NDUFA5: variants seen among roughly 807,000 people sequenced by gnomAD.
NDUFA5 encodes NADH dehydrogenase [ubiquinone] 1 alpha subcomplex subunit 5.
Under a neutral mutation model 19.8 loss-of-function variants are expected in NDUFA5, and 11 were observed. The ratio of observed to expected loss-of-function variants is 0.56; its 90% CI spans 0.35 to 0.92. NDUFA5 has a LOEUF of 0.92. NDUFA5 is among the 40% of genes least tolerant of loss of function. The pLI, the probability that NDUFA5 is intolerant of heterozygous loss-of-function variation, is 0.01. For missense variants in NDUFA5, 109 were observed against 134.2 expected (o/e 0.81, Z 0.93); for synonymous variants, 47 against 46.8 (o/e 1.00, Z -0.01).
At chr7:123,574,301 C>T in the NDUFA5 span, among the ~76,000 whole-genome samples, 1 of 151,634 alleles carries the variant, frequency 6.6e-6, no homozygotes, top group African/African-American at 2.4e-5. Context: ...TTCTAAGCAT[C>T]TGTTTAGCCC....
chr7:123,549,348 C>T (rs1798249658), intron 3 of NDUFA5, among the ~76,000 whole-genome samples: 1 of 152,158 alleles, frequency 6.6e-6, no homozygotes, highest in African/African-American at 2.4e-5. Context: ...GTAAACTCTT[C>T]TTTGGTTGAA....
the NDUFA5 span, among the ~76,000 whole-genome samples, chr7:123,586,560 TTGC>T: frequency 1.3e-5 from 2 of 151,792 alleles, no homozygotes; most frequent in African/African-American, 2.4e-5. Flanking sequence ...AAAATTTGAT[TTGC>T]TTGTACTTGT....
At chr7:123,588,439 T>G in the NDUFA5 span, among the ~76,000 whole-genome samples, 1 of 151,652 alleles carries the variant, frequency 6.6e-6, no homozygotes, top group Non-Finnish European at 1.5e-5. Flanking sequence ...GTTTCGTTAA[T>G]TTTATCTTTT....
the NDUFA5 span, among the ~76,000 whole-genome samples, chr7:123,592,661 G>T: frequency 6.6e-6 from 1 of 152,056 alleles, no homozygotes; most frequent in African/African-American, 2.4e-5. Flanking sequence ...CGTTTGTTGC[G>T]ATTTCTGTTC....
At chr7:123,557,518 ACAAAAC>A (rs1798605900) in intron 1 of NDUFA5, 70 bp from the exon 2 acceptor site, 1 of 1,612,110 alleles carries the variant, frequency 6.2e-7, no homozygotes. Flanking sequence ...CTAAGGAAAT[ACAAAAC>A]CACGAATCCC....
the NDUFA5 span, among the ~76,000 whole-genome samples, chr7:123,592,281 C>A: frequency 2.0e-5 from 3 of 151,162 alleles, no homozygotes; most frequent in African/African-American, 7.3e-5. Flanking sequence ...GTGTCTCTGT[C>A]TCATTCAGTT....
the NDUFA5 span, among the ~76,000 whole-genome samples, chr7:123,579,883 G>T: frequency 6.6e-6 from 1 of 151,958 alleles, no homozygotes; most frequent in African/African-American, 2.4e-5. Flanking sequence ...TCTTGCCATT[G>T]TTTAGGTCTC....
At chr7:123,573,009 T>C in the NDUFA5 span, among the ~76,000 whole-genome samples, 1 of 152,162 alleles carries the variant, frequency 6.6e-6, no homozygotes, top group African/African-American at 2.4e-5. Context: ...CGATCAGCTA[T>C]GTGTTTTTAA....
In NDUFA5 at chr7:123,542,129, C is replaced by A; in HGVS notation, c.341G>T (p.Trp114Leu). The A allele has an allele frequency of 1.2e-6, 2 of 1,608,548 alleles. No homozygotes were observed. Among genetic ancestry groups the A allele is most frequent in the Non-Finnish European group, 1.7e-6 (2 of 1,177,628 alleles). Residue 114 changes from tryptophan to leucine, a missense_variant, in exon 5 of 5, where the codon TGG becomes TTG. By Grantham distance (61) the Trp-to-Leu change is moderately conservative. Coordinates refer to ENST00000355749, the MANE Select transcript of NDUFA5 (RefSeq NM_005000.5). ...VEEPPADQWK[W>L]PI ...AAAGTCACTTAATAATTATATTGGCCATTTCCACTGATCGGCAGGAGGCTC... is the reference window on the plus strand; with the variant it reads ...AAAGTCACTTAATAATTATATTGGCAATTTCCACTGATCGGCAGGAGGCTC...
At chr7:123,568,711 C>T in the NDUFA5 span, among the ~76,000 whole-genome samples, 1 of 151,974 alleles carries the variant, frequency 6.6e-6, no homozygotes, top group Non-Finnish European at 1.5e-5. Context: ...GAGATAAAAA[C>T]TATTTTGTGG....
chr7:123,546,574 T>C (rs548833958), intron 3 of NDUFA5: 3 of 900,322 alleles, frequency 3.3e-6, no homozygotes, highest in East Asian at 1.3e-4. Context: ...GCTCTGTAAA[T>C]ATACCCACAT....
At chr7:123,593,080 C>A in the NDUFA5 span, among the ~76,000 whole-genome samples, 1 of 151,974 alleles carries the variant, frequency 6.6e-6, no homozygotes, top group African/African-American at 2.4e-5. Context: ...TTATCAGAGA[C>A]CAGGATTGCA....
the NDUFA5 span, among the ~76,000 whole-genome samples, chr7:123,597,917 C>CGTGTGTGT: frequency 0.023 from 3,038 of 133,002 alleles, 53 homozygotes; most frequent in Non-Finnish European, 0.031. Flanking sequence ...TTTCAAACTT[C>CGTGTGTGT]GTGTGTGTGT....
chr7:123,581,946 TAA>T, the NDUFA5 span, among the ~76,000 whole-genome samples: 1 of 152,158 alleles, frequency 6.6e-6, no homozygotes, highest in Non-Finnish European at 1.5e-5. Context: ...TAGCAAACTG[TAA>T]AGAGCTTTTT....
intron 4 of NDUFA5, among the ~76,000 whole-genome samples, chr7:123,542,747 T>A (rs975303698): frequency 2.6e-5 from 4 of 152,180 alleles, no homozygotes; most frequent in African/African-American, 7.2e-5. Flanking sequence ...GACCCAGAGT[T>A]TATAAAACAG....
intron 4 of NDUFA5, among the ~76,000 whole-genome samples, 156 bp downstream of exon 4, chr7:123,545,455 C>T (rs1429187626): frequency 1.3e-5 from 2 of 152,086 alleles, no homozygotes; most frequent in East Asian, 3.9e-4. Flanking sequence ...CTATAATCAA[C>T]ATACACATGA....
At chr7:123,587,970 C>T in the NDUFA5 span, among the ~76,000 whole-genome samples, 4 of 151,776 alleles carry the variant, frequency 2.6e-5, no homozygotes, top group African/African-American at 9.7e-5. Flanking sequence ...CATCTATGTT[C>T]ATCAGGGATA....
the NDUFA5 span, among the ~76,000 whole-genome samples, chr7:123,597,523 T>C: frequency 6.6e-6 from 1 of 152,186 alleles, no homozygotes; most frequent in Non-Finnish European, 1.5e-5. Flanking sequence ...CACTCAGCAC[T>C]GTGAGTCTTA....
At chr7:123,572,114 C>T in the NDUFA5 span, among the ~76,000 whole-genome samples, 21 of 130,684 alleles carry the variant, frequency 1.6e-4, no homozygotes, top group African/African-American at 6.0e-4. Context: ...AGTGATTTTA[C>T]AGTGATTGTA....
Sources: allele counts gnomAD v4.1 joint callset (sites outside exome capture counted in the v4.1 genomes callset), GRCh38; gene constraint gnomAD v4.1.1; transcripts MANE v1.5; gene names NCBI Gene and HGNC (gene_info 2026-07-23, HGNC 2026-07-21).